Variants in XIRP2 observed in about 807,000 individuals in gnomAD.
XIRP2 encodes xin actin binding repeat containing 2, also known as xin actin-binding repeat-containing protein 2.
A neutral mutation model predicts 277.0 loss-of-function variants in XIRP2; 236 were observed. That is an observed-to-expected ratio of 0.85 (90% CI 0.77 to 0.95). The LOEUF (loss-of-function observed/expected upper bound fraction) is 0.95. Among genes scored for constraint, XIRP2 ranks in the 40% least tolerant of loss-of-function variants. The probability of loss-of-function intolerance (pLI) is 0.00; values close to 1 mark genes in which losing one functional copy is unlikely to be tolerated. For missense variants in XIRP2, 4,640 were observed against 4,157.5 expected (o/e 1.12, Z -3.19); for synonymous variants, 1,490 against 1,416.5 (o/e 1.05, Z -1.17).
chr2:166,950,682 A>C (rs1284957586), intron 2 of XIRP2, among the ~76,000 whole-genome samples: 1 of 152,074 alleles, frequency 6.6e-6, no homozygotes, highest in African/African-American at 2.4e-5. Flanking sequence ...CTGAGAGCTA[A>C]AATAAGAGCT....
chr2:166,920,955 A>G (rs1685021617), intron 2 of XIRP2, among the ~76,000 whole-genome samples: 1 of 152,116 alleles, frequency 6.6e-6, no homozygotes, highest in Non-Finnish European at 1.5e-5. Context: ...TTGCTAACAG[A>G]GTTTAGAATA....
At chr2:167,197,019 T>TTTTGGCAGAAGTTACA (rs1248914758) in intron 3 of XIRP2, among the ~76,000 whole-genome samples, 11 of 152,304 alleles carry the variant, frequency 7.2e-5, no homozygotes, top group African/African-American at 2.6e-4. Flanking sequence ...TAATGAGAAA[T>TTTTGGCAGAAGTTACA]TTTGGCAGAA....
chr2:166,897,071 T>C (rs750686375), intron 1 of XIRP2, among the ~76,000 whole-genome samples: 9 of 152,182 alleles, frequency 5.9e-5, no homozygotes, highest in African/African-American at 9.6e-5. Context: ...CTTCTCACAA[T>C]GATGAAATTG....
chr2:167,188,801 G>T (rs1156795515), intron 3 of XIRP2, among the ~76,000 whole-genome samples: 1 of 152,164 alleles, frequency 6.6e-6, no homozygotes, highest in Non-Finnish European at 1.5e-5. Flanking sequence ...AATGCAGTCT[G>T]GAGTTTGGAC....
intron 2 of XIRP2, among the ~76,000 whole-genome samples, chr2:167,106,701 T>A (rs1574260486): frequency 6.6e-6 from 1 of 151,728 alleles, no homozygotes; most frequent in South Asian, 2.1e-4. Context: ...TCTATAAAAG[T>A]GTTGTCTTTA....
chr2:166,928,892 T>C (rs1202334742), intron 2 of XIRP2, among the ~76,000 whole-genome samples: 1 of 152,108 alleles, frequency 6.6e-6, no homozygotes, highest in Non-Finnish European at 1.5e-5. Context: ...AGCAGAGGAC[T>C]CCAGGGGGAG....
At chr2:167,122,256 C>T (rs113227316) in intron 2 of XIRP2, among the ~76,000 whole-genome samples, 4,636 of 152,216 alleles carry the variant, frequency 0.03, 78 homozygotes, top group East Asian at 0.05. Context: ...CGAGTTTTAA[C>T]ATTGGACCCA....
intron 2 of XIRP2, among the ~76,000 whole-genome samples, chr2:167,128,108 C>T (rs11899616): frequency 0.25 from 37,610 of 152,116 alleles, 6,484 homozygotes; most frequent in African/African-American, 0.48. Flanking sequence ...ATTAGAATAT[C>T]TAGAAATTAT....
intron 2 of XIRP2, among the ~76,000 whole-genome samples, chr2:166,949,050 A>C (rs758436554): frequency 5.3e-5 from 8 of 151,972 alleles, no homozygotes; most frequent in Non-Finnish European, 1.0e-4. Context: ...ACAGGCATGT[A>C]AAACACCCAG....
At chr2:167,006,958 T>C (rs1368226591) in intron 2 of XIRP2, among the ~76,000 whole-genome samples, 2 of 151,662 alleles carry the variant, frequency 1.3e-5, no homozygotes, top group South Asian at 2.1e-4. Context: ...ATAGGAACAA[T>C]GAAGAAGACT....
At chr2:167,150,711 C>T (rs527845105) in intron 3 of XIRP2, among the ~76,000 whole-genome samples, 77 of 151,936 alleles carry the variant, frequency 5.1e-4, no homozygotes, top group Non-Finnish European at 7.8e-4. Context: ...TAGGGGAAAA[C>T]CCCTAAGAAA....
chr2:166,995,665 C>T lies in XIRP2; in HGVS notation c.408+91775C>T, dbSNP rs192566149. Among the ~76,000 whole-genome samples the T allele has an allele frequency of 1.8e-4, 28 of 152,288 alleles. No individual in the cohort carries two copies. The East Asian group carries it at 5.2e-3, about 28-fold the overall frequency. On this transcript the variant is annotated intron_variant, in intron 2 of 10. Transcript: ENST00000409195. ...ATGGGGATAAAAGAAGCAATAAAAA[C>T]AATTGCTATATAACACTTTTGTTGT... is the stretch of plus-strand genomic sequence containing the variant.
chr2:167,081,151 C>T (rs1486169830), intron 2 of XIRP2, among the ~76,000 whole-genome samples: 1 of 152,102 alleles, frequency 6.6e-6, no homozygotes, highest in Non-Finnish European at 1.5e-5. Flanking sequence ...CAGAGATCTT[C>T]ATTCCTTCCA....
chr2:166,927,125 AGTTTACTG>A (rs1574084664), intron 2 of XIRP2, among the ~76,000 whole-genome samples: 1 of 152,114 alleles, frequency 6.6e-6, no homozygotes, highest in Non-Finnish European at 1.5e-5. Flanking sequence ...TCTGTGTTCC[AGTTTACTG>A]GTATAGATTT....
At chr2:167,143,605 T>C (rs1691789046) in intron 3 of XIRP2, among the ~76,000 whole-genome samples, 1 of 152,180 alleles carries the variant, frequency 6.6e-6, no homozygotes, top group Non-Finnish European at 1.5e-5. Flanking sequence ...TGCTAGATTC[T>C]AAGCTATGAG....
intron 3 of XIRP2, among the ~76,000 whole-genome samples, chr2:167,196,841 C>T (rs554758040): frequency 3.3e-5 from 5 of 151,944 alleles, no homozygotes; most frequent in Non-Finnish European, 2.9e-5. Flanking sequence ...GTTGGTTGTG[C>T]GTAGGTATGT....
intron 2 of XIRP2, among the ~76,000 whole-genome samples, chr2:166,970,585 AT>A (rs1036039544): frequency 2.6e-5 from 4 of 151,538 alleles, no homozygotes; most frequent in Non-Finnish European, 5.9e-5. Flanking sequence ...TCATTTCTAG[AT>A]TTTTTTTAAC....
chr2:167,138,173 G>GT (rs777243260), intron 3 of XIRP2, among the ~76,000 whole-genome samples: 7 of 152,110 alleles, frequency 4.6e-5, no homozygotes, highest in Non-Finnish European at 1.0e-4. Flanking sequence ...TTAACTAGCC[G>GT]CAAGAGTTTC....
Position 167,249,869 on chromosome 2 carries a change from C to G in XIRP2, c.8477C>G (p.Ser2826Ter). Residue 2826 changes from serine to a stop codon, truncating the protein, a stop_gained, in exon 9 of 11, where the codon TCA (serine) becomes TGA (stop). Transcript: ENST00000409195. LOFTEE classifies it high-confidence loss of function. ...AGTGAAGAAAAAAATCAGGGACCAT[C>G]AATGATTGGTCGAAAAGAAGAGAGA... ...PGSEEKNQGP[S>*]MIGRKEERLI... is the part of the protein sequence containing the mutation. 6.2e-7 allele frequency: 1 copy of G among 1,613,472 alleles called. No individual in the cohort carries two copies. The highest frequency in any genetic ancestry group is 8.5e-7 in the Non-Finnish European group (1 of 1,179,716).
Sources: allele counts gnomAD v4.1 joint callset (sites outside exome capture counted in the v4.1 genomes callset), GRCh38; gene constraint gnomAD v4.1.1; transcripts MANE v1.5; gene names NCBI Gene and HGNC (gene_info 2026-07-23, HGNC 2026-07-21).